ZYG11A: variants seen among roughly 807,000 people sequenced by gnomAD.
ZYG11A encodes protein zyg-11 homolog A.
A neutral mutation model predicts 77.2 loss-of-function variants in ZYG11A; 62 were observed. The observed-to-expected ratio is 0.80, with a 90% CI of 0.65 to 0.99. The LOEUF is 0.99. ZYG11A is among the 50% of genes least tolerant of loss of function. The probability of loss-of-function intolerance (pLI) is 0.00; values close to 1 mark genes in which losing one functional copy is unlikely to be tolerated. For missense variants in ZYG11A, 828 were observed against 896.8 expected, an observed-to-expected ratio of 0.92 and a Z score of 0.98; for synonymous variants, 315 against 324.6, an observed-to-expected ratio of 0.97 and a Z score of 0.32.
intron 7 of ZYG11A, 33 bp downstream of exon 7, chr1:52,867,671 T>G (rs1204461188): frequency 1.3e-6 from 2 of 1,549,980 alleles, no homozygotes; most frequent in South Asian, 1.2e-5. Context: ...GATGTCTATC[T>G]CTCTAGTTTT....
At chr1:52,876,547 GTTAT>G (rs1183657101) in intron 8 of ZYG11A, among the ~76,000 whole-genome samples, 1 of 152,118 alleles carries the variant, frequency 6.6e-6, no homozygotes, top group African/African-American at 2.4e-5. Context: ...ATAGTGCACA[GTTAT>G]TTTGAGTATC....
chr1:52,886,887 AATT>A (rs930278866), intron 12 of ZYG11A, 66 bp from the exon 13 acceptor site: 28 of 675,540 alleles, frequency 4.1e-5, no homozygotes, highest in Middle Eastern at 5.2e-4. Context: ...ATATAGTACA[AATT>A]ATTATATCCC....
At chr1:52,872,897 AAAGAAAAG>A in intron 8 of ZYG11A, among the ~76,000 whole-genome samples, 1 of 47,204 alleles carries the variant, frequency 2.1e-5, no homozygotes, top group African/African-American at 6.3e-5. Flanking sequence ...AAAAAAAAAA[AAAGAAAAG>A]AAAAGAAAGA....
Position 52,879,937 on chromosome 1 carries a change from A to AT in ZYG11A, c.1750-1526dup, listed in dbSNP as rs1014810400. Among the ~76,000 whole-genome samples the AT allele has an allele frequency of 3.0e-4, 45 of 149,714 alleles. No individual in the cohort carries two copies. The South Asian group carries it at 6.8e-3, about 22-fold the overall frequency. On this transcript the variant is annotated intron_variant, in intron 10 of 13. Transcript: ENST00000371528. ...GCCACCACGCCCAGCTAATTTTTGTATTTTTTTTAGTAGAGACAGGGTTTC... is the reference window on the plus strand; with the variant it reads ...GCCACCACGCCCAGCTAATTTTTGTATTTTTTTTTAGTAGAGACAGGGTTTC...
At chr1:52,873,136 G>A (rs1048693701) in intron 8 of ZYG11A, among the ~76,000 whole-genome samples, 4 of 151,478 alleles carry the variant, frequency 2.6e-5, no homozygotes, top group Admixed American at 6.6e-5. Flanking sequence ...CCTGGGCAAC[G>A]TGGCGAAATC....
chr1:52,857,281 C>T lies in ZYG11A; in HGVS notation c.540C>T (p.Leu180=), dbSNP rs1645831075. The change falls in exon 3 of 14, where the codon CTC becomes CTT. Residue 180 remains leucine (L), a synonymous_variant. Coordinates refer to ENST00000371528, the MANE Select transcript of ZYG11A (RefSeq NM_001004339.3). ...QNSRLLFFSQ[L]TGLRILSVFN... is the part of the protein sequence containing the mutation. ...CAAGATTACTGTTCTTTAGTCAGCT[C>T]ACTGGTCTTCGCATTTTAAGTGTTT... 4 of 1,552,116 alleles carry T rather than the reference C, an allele frequency of 2.6e-6. No homozygotes were observed. In the East Asian group the frequency reaches 9.8e-5, roughly 38 times the overall value.
intron 1 of ZYG11A, among the ~76,000 whole-genome samples, chr1:52,848,889 G>A (rs1645650265): frequency 6.6e-6 from 1 of 151,804 alleles, no homozygotes; most frequent in African/African-American, 2.4e-5. Context: ...AAAATTAAAA[G>A]TAAAAAAAAT....
chr1:52,880,252 TG>T (rs897685699), intron 10 of ZYG11A, among the ~76,000 whole-genome samples: 11 of 151,716 alleles, frequency 7.3e-5, no homozygotes, highest in African/African-American at 2.4e-4. Flanking sequence ...AAAACAGGCG[TG>T]GGGGGGACAT....
intron 1 of ZYG11A, among the ~76,000 whole-genome samples, chr1:52,847,586 T>C (rs1645615542): frequency 6.6e-6 from 1 of 151,982 alleles, no homozygotes; most frequent in Non-Finnish European, 1.5e-5. Context: ...GTCTCTGCTT[T>C]TGTTTATCTG....
At chr1:52,885,265 C>T (rs1232395492) in intron 11 of ZYG11A, among the ~76,000 whole-genome samples, 3 of 151,632 alleles carry the variant, frequency 2.0e-5, no homozygotes, top group Admixed American at 6.6e-5. Flanking sequence ...CCTCACGTGC[C>T]AAATTTTTAA....
Position 52,842,985 on chromosome 1 carries a change from G to A in ZYG11A, c.90+12G>A. The A allele has an allele frequency of 1.3e-6, 2 of 1,508,822 alleles. No homozygotes were observed. Among genetic ancestry groups the A allele is most frequent in the Non-Finnish European group, 8.8e-7 (1 of 1,129,966 alleles). The allele number at this position is 1,508,822 out of a possible 1,614,324, so 93.5% of individuals were successfully genotyped here. On this transcript the variant is annotated intron_variant, in intron 1 of 13. Coordinates refer to ENST00000371528, the MANE Select transcript of ZYG11A (RefSeq NM_001004339.3). The stretch of plus-strand genomic sequence containing the variant: ...GCTGCGTGGTACAGGTGAGCACCGG[G>A]GTGCGGGCGGCGACGCGGACCTCGG...
At chr1:52,864,948 GC>G (rs1436164869) in intron 5 of ZYG11A, among the ~76,000 whole-genome samples, 1 of 151,898 alleles carries the variant, frequency 6.6e-6, no homozygotes, top group Non-Finnish European at 1.5e-5. Context: ...CCCGCGCCTG[GC>G]CTACACTCAT....
At chr1:52,892,516 A>G (rs1440079245) in intron 13 of ZYG11A, among the ~76,000 whole-genome samples, 1 of 151,718 alleles carries the variant, frequency 6.6e-6, no homozygotes, top group Non-Finnish European at 1.5e-5. Context: ...CAACAAGAGC[A>G]AAACTCTGTC....
intron 1 of ZYG11A, among the ~76,000 whole-genome samples, chr1:52,845,743 C>T (rs1051456406): frequency 1.3e-5 from 2 of 150,762 alleles, no homozygotes; most frequent in South Asian, 4.2e-4. Context: ...GAGTCTCACT[C>T]TGTTGCCCAG....
At chr1:52,848,223 A>G (rs1645636421) in intron 1 of ZYG11A, among the ~76,000 whole-genome samples, 1 of 151,804 alleles carries the variant, frequency 6.6e-6, no homozygotes, top group Non-Finnish European at 1.5e-5. Context: ...GGTGGGTCTT[A>G]AACTCCTGAC....
At chr1:52,856,945 G>T in intron 2 of ZYG11A, 53 bp from the exon 3 acceptor site, 1 of 1,462,502 alleles carries the variant, frequency 6.8e-7, no homozygotes. Context: ...ATTTTATCCT[G>T]GAAAGACATG....
chr1:52,859,976 G>T (rs921590019), intron 3 of ZYG11A, among the ~76,000 whole-genome samples: 14 of 151,976 alleles, frequency 9.2e-5, no homozygotes, highest in African/African-American at 3.4e-4. Context: ...TTGTGCCCCG[G>T]CCTACTGTCT....
chr1:52,878,598 C>T (rs931234987), intron 10 of ZYG11A, among the ~76,000 whole-genome samples: 2 of 152,058 alleles, frequency 1.3e-5, no homozygotes, highest in Non-Finnish European at 2.9e-5. Context: ...CTGTTATCCA[C>T]GTTTCATAGA....
chr1:52,861,293 A>T (rs1053926875), intron 4 of ZYG11A, among the ~76,000 whole-genome samples: 13 of 152,300 alleles, frequency 8.5e-5, no homozygotes, highest in African/African-American at 3.1e-4. Context: ...AAGTATTAAG[A>T]GGCTTGGGAA....
Sources: gnomAD v4.1 joint callset for allele counts (sites outside exome capture counted in the v4.1 genomes callset) on GRCh38, gnomAD v4.1.1 for gene constraint, MANE v1.5 for transcripts, NCBI Gene and HGNC (gene_info 2026-07-23, HGNC 2026-07-21) for gene names.